The following PPM1H variants were observed in gnomAD, a reference collection of about 807,000 sequenced individuals.
The protein encoded by PPM1H is protein phosphatase 1H.
A neutral mutation model predicts 54.9 loss-of-function variants in PPM1H; 27 were observed. That is an observed-to-expected ratio of 0.49 (90% CI 0.36 to 0.68). PPM1H has a LOEUF of 0.68. Ranked by LOEUF, PPM1H falls within the 30% of genes least tolerant of loss-of-function variation. The pLI is 0.00. For missense variants in PPM1H, 596 were observed against 667.8 expected (o/e 0.89, Z 1.19); for synonymous variants, 305 against 270.8 (o/e 1.13, Z -1.24).
chr12:62,929,303 G>T (rs1255581689), intron 1 of PPM1H, among the ~76,000 whole-genome samples: 4 of 152,104 alleles, frequency 2.6e-5, no homozygotes, highest in Non-Finnish European at 5.9e-5. Flanking sequence ...TCAATTGAGA[G>T]AAATAATGGA....
intron 9 of PPM1H, among the ~76,000 whole-genome samples, chr12:62,663,852 G>A (rs1011332382): frequency 6.6e-5 from 10 of 152,174 alleles, no homozygotes; most frequent in South Asian, 2.1e-4. Flanking sequence ...TTAGCTGGGC[G>A]TGGTGGCACA....
At chr12:62,922,795 A>AACAC (rs1322291447) in intron 1 of PPM1H, among the ~76,000 whole-genome samples, 1 of 152,184 alleles carries the variant, frequency 6.6e-6, no homozygotes, top group African/African-American at 2.4e-5. Context: ...AAGTATGGAA[A>AACAC]ACACAGTGAT....
At position 62,833,773 on chromosome 12, in the gene PPM1H, A is replaced by T. The variant is rs534518374; in HGVS notation, c.246-1494T>A. Among the ~76,000 whole-genome samples, 35 of 152,336 alleles carry T rather than the reference A, an allele frequency of 2.3e-4. No individual in the cohort carries two copies. The South Asian group carries it at 2.7e-3, about 12-fold the overall frequency. ...ATTTTAAAAATGTATACACATTTTT[A>T]AAAAATGCAATAATTTAAAAGTTCA... On this transcript the variant is annotated intron_variant, in intron 1 of 9. Coordinates refer to ENST00000228705, the MANE Select transcript of PPM1H (RefSeq NM_020700.2).
At chr12:62,877,949 G>C (rs901026315) in intron 1 of PPM1H, among the ~76,000 whole-genome samples, 3 of 152,198 alleles carry the variant, frequency 2.0e-5, no homozygotes, top group Non-Finnish European at 4.4e-5. Flanking sequence ...CCAGGCTGGA[G>C]TGCAGTAGCA....
chr12:62,729,444 A>G (rs145522746), intron 5 of PPM1H, among the ~76,000 whole-genome samples: 14 of 152,384 alleles, frequency 9.2e-5, no homozygotes, highest in African/African-American at 2.9e-4. Flanking sequence ...AGTTAAAGAA[A>G]GGATACATGG....
intron 6 of PPM1H, among the ~76,000 whole-genome samples, chr12:62,713,704 C>T (rs531339732): frequency 2.6e-5 from 4 of 152,296 alleles, no homozygotes; most frequent in Admixed American, 2.0e-4. Context: ...TTTGGTGGCT[C>T]ATCCCTGTAA....
chr12:62,764,986 C>T (rs1037603497), intron 4 of PPM1H, among the ~76,000 whole-genome samples: 22 of 152,184 alleles, frequency 1.4e-4, no homozygotes, highest in East Asian at 9.6e-4. Context: ...GAGGGATGGG[C>T]TGGGGCCAGT....
intron 1 of PPM1H, among the ~76,000 whole-genome samples, chr12:62,873,103 T>C (rs1870043238): frequency 6.6e-6 from 1 of 152,220 alleles, no homozygotes; most frequent in Admixed American, 6.5e-5. Flanking sequence ...GTGGCAGGGT[T>C]AGGACTCTAT....
chr12:62,795,442 T>A (rs1484181606), intron 3 of PPM1H, among the ~76,000 whole-genome samples: 6 of 149,162 alleles, frequency 4.0e-5, no homozygotes, highest in East Asian at 1.9e-4. Context: ...CCAGATAAAA[T>A]ATATATATAT....
chr12:62,831,703 G>T (rs942193527), intron 2 of PPM1H, among the ~76,000 whole-genome samples: 2 of 121,958 alleles, frequency 1.6e-5, no homozygotes, highest in African/African-American at 6.5e-5. Flanking sequence ...AACATTGTGT[G>T]TGTATGTGTG....
At chr12:62,925,138 G>A (rs898251073) in intron 1 of PPM1H, among the ~76,000 whole-genome samples, 1 of 152,054 alleles carries the variant, frequency 6.6e-6, no homozygotes, top group Non-Finnish European at 1.5e-5. Context: ...GTCTAATAAA[G>A]GGAAAAAGGT....
chr12:62,934,783 G>C lies in PPM1H; in HGVS notation c.-47C>G, dbSNP rs774209642. 1.3e-5 allele frequency: 18 copies of C among 1,433,060 alleles called. No homozygotes were observed. In the Admixed American group the frequency reaches 4.5e-4, roughly 36 times the overall value. The allele number at this position is 1,433,060 out of a possible 1,614,324, so 88.8% of individuals were successfully genotyped here. ...AGCGGTGCGAGCAGGAGGCGGCGGG[G>C]GCCGGGCAAGGCGCAGCGCGGGGCA... On this transcript the variant is annotated 5_prime_UTR_variant, in exon 1 of 10. Coordinates refer to ENST00000228705, the MANE Select transcript of PPM1H (RefSeq NM_020700.2). This position sits in a 1 kb window ranked among gnomAD's most constrained non-coding sequence, Gnocchi z 4.2.
intron 4 of PPM1H, among the ~76,000 whole-genome samples, chr12:62,740,335 C>T (rs1249340813): frequency 6.6e-6 from 1 of 152,180 alleles, no homozygotes; most frequent in African/African-American, 2.4e-5. Flanking sequence ...TCTGATCTCC[C>T]AGGCAGCATC....
At chr12:62,700,799 T>G (rs1230096017) in intron 6 of PPM1H, among the ~76,000 whole-genome samples, 1 of 152,192 alleles carries the variant, frequency 6.6e-6, no homozygotes, top group Non-Finnish European at 1.5e-5. Context: ...TCAGGTCATG[T>G]CATTACCCTA....
At chr12:62,753,357 G>T (rs2076452846) in intron 4 of PPM1H, among the ~76,000 whole-genome samples, 1 of 152,172 alleles carries the variant, frequency 6.6e-6, no homozygotes, top group African/African-American at 2.4e-5. Flanking sequence ...AAGAGTTCAG[G>T]AAACACTCTT....
At chr12:62,812,236 C>A (rs1447665710) in intron 2 of PPM1H, among the ~76,000 whole-genome samples, 1 of 152,218 alleles carries the variant, frequency 6.6e-6, no homozygotes, top group Admixed American at 6.5e-5. Context: ...CTGCATTACT[C>A]TTCCGGAAGC....
intron 1 of PPM1H, among the ~76,000 whole-genome samples, chr12:62,910,152 C>A (rs1481974134): frequency 6.6e-6 from 1 of 152,032 alleles, no homozygotes; most frequent in African/African-American, 2.4e-5. Context: ...AACATGACAG[C>A]AGGTTGGAGA....
intron 4 of PPM1H, among the ~76,000 whole-genome samples, chr12:62,782,600 C>T (rs112446477): frequency 6.6e-6 from 1 of 152,080 alleles, no homozygotes; most frequent in Non-Finnish European, 1.5e-5. Flanking sequence ...ATGACACATT[C>T]GACTTTCCCT....
chr12:62,743,613 T>A (rs188654753), intron 4 of PPM1H, among the ~76,000 whole-genome samples: 15 of 152,142 alleles, frequency 9.9e-5, no homozygotes, highest in Admixed American at 9.2e-4. Context: ...ATTTTACAAT[T>A]TTTCTTAAAG....
Sources: allele counts gnomAD v4.1 joint callset (sites outside exome capture counted in the v4.1 genomes callset), GRCh38; gene constraint gnomAD v4.1.1; non-coding constraint Gnocchi (gnomAD v3.1); transcripts MANE v1.5; gene names NCBI Gene and HGNC (gene_info 2026-07-23, HGNC 2026-07-21).